The following PAQR5 variants were observed in gnomAD, a reference collection of about 807,000 sequenced individuals.
PAQR5 encodes the protein membrane progestin receptor gamma.
A neutral mutation model predicts 34.5 loss-of-function variants in PAQR5; 20 were observed. The observed-to-expected ratio is 0.58, with a 90% confidence interval of 0.41 to 0.84. PAQR5 has a LOEUF of 0.84. PAQR5 is among the 40% of genes least tolerant of loss of function. PAQR5 has a pLI of 0.00. For missense variants in PAQR5, 378 were observed against 412.7 expected (o/e 0.92, Z 0.73); for synonymous variants, 131 against 155.6 (o/e 0.84, Z 1.18).
rs193108185 is a variant in PAQR5 at position 69,367,590 on chromosome 15, C to T, written c.51+7459C>T. Among the ~76,000 whole-genome samples, 11 of 152,294 alleles carry T rather than the reference C, an allele frequency of 7.2e-5. No homozygotes were observed. The East Asian group carries it at 1.2e-3, about 16-fold the overall frequency. On this transcript the variant is annotated intron_variant, in intron 3 of 8. Coordinates refer to ENST00000395407, the MANE Select transcript of PAQR5 (RefSeq NM_017705.4). Reference sequence around the variant, plus strand: ...TCCCAGAAGGGGAAGCCAGGGTCTACAGCAATACCACCCTGAACACACCTA... The same window carrying T: ...TCCCAGAAGGGGAAGCCAGGGTCTATAGCAATACCACCCTGAACACACCTA...
chr15:69,329,874 ATAGTAGCCATAG>A (rs1164154408), intron 1 of PAQR5, among the ~76,000 whole-genome samples: 4 of 152,204 alleles, frequency 2.6e-5, no homozygotes, highest in Admixed American at 6.5e-5. Flanking sequence ...AGTAGCCATA[ATAGTAGCCATAG>A]TGGTAAATAC....
intron 4 of PAQR5, among the ~76,000 whole-genome samples, chr15:69,383,503 G>A (rs1595920879): frequency 6.9e-6 from 1 of 145,760 alleles, no homozygotes; most frequent in East Asian, 2.1e-4. Context: ...TCATGGTGGA[G>A]GGTGACTGGC....
chr15:69,335,542 G>GTTTTT lies in PAQR5; in HGVS notation c.-276-1778_-276-1774dup, dbSNP rs56712868. ...TTACAGGTGTGAGCCACCGCATCCA[G>GTTTTT]TTTTTTTTTTTTTTTTTTTTTTTTT... On this transcript the variant is annotated intron_variant, in intron 1 of 8. Transcript: ENST00000395407. Among the ~76,000 whole-genome samples the GTTTTT allele has an allele frequency of 5.9e-4, 36 of 61,098 alleles. 1 individual carries two copies. The highest frequency in any genetic ancestry group is 1.1e-3 in the Admixed American group (4 of 3,784). 40.1% of individuals were successfully genotyped at this position (61,098 alleles called of 152,430 possible).
At chr15:69,382,791 TATATATGACC>T (rs2055941791) in intron 4 of PAQR5, 3 of 1,776 alleles carry the variant, frequency 1.7e-3, no homozygotes, top group African/African-American at 4.5e-3. Context: ...TATATATATA[TATATATGACC>T]ATATATATAT....
intron 1 of PAQR5, among the ~76,000 whole-genome samples, chr15:69,305,871 G>T (rs1011358333): frequency 3.3e-5 from 5 of 152,192 alleles, no homozygotes; most frequent in Admixed American, 3.3e-4. Flanking sequence ...AAGGGCAGAC[G>T]ATCTTTGGCA....
chr15:69,393,330 G>A (rs544988725), intron 6 of PAQR5, among the ~76,000 whole-genome samples: 1 of 152,302 alleles, frequency 6.6e-6, no homozygotes, highest in East Asian at 1.9e-4. Context: ...CTCGTGTGCA[G>A]AAGTGATGCT....
chr15:69,313,074 T>A (rs1005774536), intron 1 of PAQR5, among the ~76,000 whole-genome samples: 1 of 152,228 alleles, frequency 6.6e-6, no homozygotes, highest in African/African-American at 2.4e-5. Context: ...CTTGCCTAGT[T>A]CTCACGAACC....
intron 8 of PAQR5, 99 bp downstream of exon 8, chr15:69,400,214 G>C: frequency 8.0e-7 from 1 of 1,250,168 alleles, no homozygotes; most frequent in South Asian, 1.5e-5. Flanking sequence ...GGGCAGGGAA[G>C]GGCAGAGAGA....
At chr15:69,366,127 T>C (rs1017916261) in intron 3 of PAQR5, among the ~76,000 whole-genome samples, 9 of 152,248 alleles carry the variant, frequency 5.9e-5, no homozygotes, top group African/African-American at 1.7e-4. Context: ...ATTCCCTTAG[T>C]TCCTGGCAAC....
chr15:69,369,758 T>TTC (rs5813537), intron 3 of PAQR5, among the ~76,000 whole-genome samples: 5 of 151,534 alleles, frequency 3.3e-5, no homozygotes, highest in Middle Eastern at 3.2e-3. Context: ...TTTTTTTTTT[T>TTC]CAGAGAAACA....
chr15:69,313,919 G>A (rs896723212), intron 1 of PAQR5, among the ~76,000 whole-genome samples: 3 of 152,184 alleles, frequency 2.0e-5, no homozygotes, highest in African/African-American at 7.2e-5. Flanking sequence ...TGGATGGGCA[G>A]GGTGGGGAGT....
intron 2 of PAQR5, among the ~76,000 whole-genome samples, chr15:69,355,012 A>G (rs983672349): frequency 6.6e-6 from 1 of 152,090 alleles, no homozygotes; most frequent in Non-Finnish European, 1.5e-5. Flanking sequence ...CGAGAGTTAA[A>G]CCATCAGGTT....
At chr15:69,323,773 A>G (rs2054183265) in intron 1 of PAQR5, among the ~76,000 whole-genome samples, 1 of 151,336 alleles carries the variant, frequency 6.6e-6, no homozygotes, top group East Asian at 1.9e-4. Flanking sequence ...AGAGAGAGCC[A>G]CAATGAACAG....
chr15:69,301,749 T>A (rs1048161339), intron 1 of PAQR5, among the ~76,000 whole-genome samples: 14 of 152,052 alleles, frequency 9.2e-5, no homozygotes, highest in African/African-American at 3.1e-4. Flanking sequence ...TTTCTCAGCA[T>A]CTTGGCATCC....
At chr15:69,383,650 T>C in intron 4 of PAQR5, among the ~76,000 whole-genome samples, 1 of 117,778 alleles carries the variant, frequency 8.5e-6, no homozygotes, top group East Asian at 2.9e-4. Flanking sequence ...GTGTTCATCG[T>C]GGAGGGTGAG....
At position 69,300,950 on chromosome 15, in the gene PAQR5, T is replaced by TCTTTCTTTCTTTCTTC. The variant is rs368336867; in HGVS notation, c.-277+1909_-277+1910insCCTTTCTTTCTTTCTT. On this transcript the variant is annotated intron_variant, in intron 1 of 8. Transcript: ENST00000395407. The stretch of plus-strand genomic sequence containing the variant: ...CTCTCTCTCTCTCTCTTTCTTTCCT[T>TCTTTCTTTCTTTCTTC]CTTTCTTTCTTTCTTTCTTTCTTTC... 7.3e-4 allele frequency among the ~76,000 whole-genome samples: 17 copies of TCTTTCTTTCTTTCTTC among 23,144 alleles called. 3 individuals are homozygous for TCTTTCTTTCTTTCTTC. The highest frequency in any genetic ancestry group is 2.6e-3 in the Admixed American group (3 of 1,168). 15.2% of individuals were successfully genotyped at this position (23,144 alleles called of 152,430 possible). A position where few individuals can be genotyped will look rare whatever the true frequency, so the allele number is the denominator to read the frequency against.
At chr15:69,377,200 G>A (rs2055731523) in intron 3 of PAQR5, among the ~76,000 whole-genome samples, 1 of 152,234 alleles carries the variant, frequency 6.6e-6, no homozygotes, top group Non-Finnish European at 1.5e-5. Flanking sequence ...CAACTTAAAA[G>A]GAAGAGAGAA....
At chr15:69,377,346 A>G (rs111354607) in intron 3 of PAQR5, among the ~76,000 whole-genome samples, 3,677 of 152,270 alleles carry the variant, frequency 0.024, 157 homozygotes, top group African/African-American at 0.083. Context: ...CCATTGGCCT[A>G]TTTGCCTCCT....
intron 2 of PAQR5, among the ~76,000 whole-genome samples, chr15:69,352,836 G>A (rs1218288506): frequency 1.3e-5 from 2 of 152,334 alleles, no homozygotes; most frequent in South Asian, 4.1e-4. Context: ...AACATGACTG[G>A]AAAATTGGTG....
Sources: gnomAD v4.1 joint callset for allele counts (sites outside exome capture counted in the v4.1 genomes callset) on GRCh38, gnomAD v4.1.1 for gene constraint, MANE v1.5 for transcripts, NCBI Gene and HGNC (gene_info 2026-07-23, HGNC 2026-07-21) for gene names.